The following DPYD variants were observed in gnomAD, a reference collection of about 807,000 sequenced individuals.
The protein encoded by DPYD is dihydropyrimidine dehydrogenase [NADP(+)].
DPYD carries 109 observed loss-of-function variants against 116.2 expected under a neutral mutation model. The ratio of observed to expected loss-of-function variants is 0.94; its 90% CI spans 0.80 to 1.10. The LOEUF is 1.10. Ranked by LOEUF, DPYD falls within the 50% of genes least tolerant of loss-of-function variation. The pLI is 0.00. For missense variants in DPYD, 1,302 were observed against 1,254.5 expected, an observed-to-expected ratio of 1.04 and a Z score of -0.57; for synonymous variants, 440 against 432.0, an observed-to-expected ratio of 1.02 and a Z score of -0.23.
At position 97,376,887 on chromosome 1, in the gene DPYD, G is replaced by GTGTGTGTGTGTGTGTATATATA; in HGVS notation, c.1975-3244_1975-3243insTATATATACACACACACACACA. Among the ~76,000 whole-genome samples, 446 of 128,402 alleles carry GTGTGTGTGTGTGTGTATATATA rather than the reference G, an allele frequency of 3.5e-3. 3 individuals carry two copies. The highest frequency in any genetic ancestry group is 0.012 in the African/African-American group (432 of 35,034). The allele number at this position is 128,402 out of a possible 152,430, so 84.2% of individuals were successfully genotyped here. A position where few individuals can be genotyped will look rare whatever the true frequency, so the allele number is the denominator to read the frequency against. ...AGTTTGTGTGTGTGTGTGTGTGTGT[G>GTGTGTGTGTGTGTGTATATATA]TATATATATATATATGGTGTGGACT... On this transcript the variant is annotated intron_variant, in intron 15 of 22. Coordinates refer to ENST00000370192, the MANE Select transcript of DPYD (RefSeq NM_000110.4).
intron 10 of DPYD, among the ~76,000 whole-genome samples, chr1:97,590,495 T>C (rs1226392716): frequency 6.6e-6 from 1 of 152,230 alleles, no homozygotes; most frequent in African/African-American, 2.4e-5. Flanking sequence ...GAGATGATCA[T>C]GGCCCTTTCT....
chr1:97,918,746 G>A (rs1260031569), intron 1 of DPYD, among the ~76,000 whole-genome samples: 3 of 152,164 alleles, frequency 2.0e-5, no homozygotes, highest in African/African-American at 7.2e-5. Flanking sequence ...ATTAGAGTAG[G>A]TTGTTATCAT....
chr1:97,885,894 A>T (rs1318470784), intron 1 of DPYD, among the ~76,000 whole-genome samples: 1 of 152,102 alleles, frequency 6.6e-6, no homozygotes, highest in Non-Finnish European at 1.5e-5. Context: ...GCACCTGAGT[A>T]GCTCAATGAA....
intron 14 of DPYD, among the ~76,000 whole-genome samples, chr1:97,398,516 C>T (rs1048172353): frequency 2.0e-5 from 3 of 151,050 alleles, no homozygotes; most frequent in Admixed American, 6.6e-5. Flanking sequence ...CCTGAGGAAT[C>T]ACCACACTGA....
chr1:97,581,326 C>CAAAAAAAAAAAA (rs1161399547), intron 10 of DPYD, among the ~76,000 whole-genome samples: 1 of 66,602 alleles, frequency 1.5e-5, no homozygotes, highest in Non-Finnish European at 2.5e-5. Flanking sequence ...GACTCAGTCT[C>CAAAAAAAAAAAA]AAAAAAAAAA....
rs75912096 is a variant in DPYD, at chr1:97,546,356, A to G, written c.1524+3204T>C. On this transcript the variant is annotated intron_variant, in intron 12 of 22. Coordinates refer to ENST00000370192, the MANE Select transcript of DPYD (RefSeq NM_000110.4). ...CTGGCAAATGGAGTTGTTGGGAATG[A>G]AGCTGCAGTAAAGGAAGATGAAGAA... is the stretch of plus-strand genomic sequence containing the variant. The G allele has an allele frequency of 7.2e-4, 1,027 of 1,419,998 alleles. 6 individuals carry two copies. In the African/African-American group the frequency reaches 0.01, roughly 14 times the overall value. The allele number at this position is 1,419,998 out of a possible 1,614,324, so 88.0% of individuals were successfully genotyped here.
intron 13 of DPYD, among the ~76,000 whole-genome samples, chr1:97,494,498 T>G (rs1679150014): frequency 6.6e-6 from 1 of 152,172 alleles, no homozygotes; most frequent in Admixed American, 6.5e-5. Context: ...TTTTTCCTCT[T>G]AACACAGGCG....
chr1:97,376,857 G>C (rs1557668386), intron 15 of DPYD, among the ~76,000 whole-genome samples: 1 of 147,258 alleles, frequency 6.8e-6, no homozygotes, highest in Non-Finnish European at 1.5e-5. Context: ...ACAGTAGAAA[G>C]AGAGAGTTTG....
intron 4 of DPYD, among the ~76,000 whole-genome samples, chr1:97,725,909 T>C (rs908827033): frequency 1.3e-5 from 2 of 151,530 alleles, no homozygotes; most frequent in African/African-American, 4.8e-5. Context: ...TGGTGATGGT[T>C]GAAACTGCAA....
At chr1:97,616,654 C>T (rs1656283504) in intron 8 of DPYD, among the ~76,000 whole-genome samples, 1 of 152,044 alleles carries the variant, frequency 6.6e-6, no homozygotes, top group African/African-American at 2.4e-5. Context: ...TACTTAAGTG[C>T]TTAGATAACC....
intron 11 of DPYD, among the ~76,000 whole-genome samples, chr1:97,564,906 C>A (rs17116940): frequency 6.6e-6 from 1 of 152,084 alleles, no homozygotes; most frequent in Non-Finnish European, 1.5e-5. Flanking sequence ...CCTGATGTTG[C>A]CTTCCATGTA....
chr1:97,438,251 A>G (rs1487517665), intron 14 of DPYD, among the ~76,000 whole-genome samples: 2 of 152,028 alleles, frequency 1.3e-5, no homozygotes, highest in African/African-American at 4.8e-5. Context: ...AAACTCCACA[A>G]AAAAGGTTTG....
At chr1:97,118,760 T>C (rs1652184780) in intron 20 of DPYD, among the ~76,000 whole-genome samples, 1 of 152,202 alleles carries the variant, frequency 6.6e-6, no homozygotes, top group South Asian at 2.1e-4. Flanking sequence ...GATAACTACA[T>C]AGAACCAAAT....
At chr1:97,357,559 C>A (rs78154493) in intron 16 of DPYD, among the ~76,000 whole-genome samples, 10 of 152,120 alleles carry the variant, frequency 6.6e-5, no homozygotes, top group Non-Finnish European at 2.9e-5. Flanking sequence ...AACAGACTTA[C>A]GGGATACAAA....
intron 2 of DPYD, among the ~76,000 whole-genome samples, chr1:97,844,041 A>T (rs1203901999): frequency 6.6e-6 from 1 of 152,184 alleles, no homozygotes; most frequent in East Asian, 1.9e-4. Flanking sequence ...TACAAACAGA[A>T]TGGTCAGGGA....
At chr1:97,324,626 T>G (rs547557644) in intron 16 of DPYD, among the ~76,000 whole-genome samples, 1 of 152,224 alleles carries the variant, frequency 6.6e-6, no homozygotes, top group Non-Finnish European at 1.5e-5. Context: ...ATAGTTTCAG[T>G]TGTGACACTT....
At chr1:97,083,894 T>A (rs939125231) in intron 21 of DPYD, among the ~76,000 whole-genome samples, 1 of 152,174 alleles carries the variant, frequency 6.6e-6, no homozygotes, top group African/African-American at 2.4e-5. Flanking sequence ...CTCCTATCTG[T>A]TGCCAAGTCT....
At chr1:97,650,369 T>C (rs201248744) in intron 8 of DPYD, among the ~76,000 whole-genome samples, 1 of 152,288 alleles carries the variant, frequency 6.6e-6, no homozygotes, top group East Asian at 1.9e-4. Flanking sequence ...TTGTAATGTA[T>C]TCAATCATTC....
intron 4 of DPYD, among the ~76,000 whole-genome samples, chr1:97,738,718 C>T (rs1283021384): frequency 2.7e-5 from 4 of 149,754 alleles, no homozygotes; most frequent in African/African-American, 9.8e-5. Flanking sequence ...GGTTTGACAA[C>T]ATATTATCTT....
Sources: allele counts gnomAD v4.1 joint callset (sites outside exome capture counted in the v4.1 genomes callset), GRCh38; gene constraint gnomAD v4.1.1; transcripts MANE v1.5; gene names NCBI Gene and HGNC (gene_info 2026-07-23, HGNC 2026-07-21).